Variants in COL1A2 observed in about 807,000 individuals in gnomAD.
COL1A2 encodes collagen alpha-2(I) chain.
In COL1A2, 49 loss-of-function variants were observed where a neutral mutation model predicts 174.3. The ratio of observed to expected loss-of-function variants is 0.28; its 90% CI spans 0.22 to 0.36. The LOEUF is 0.36. Ranked by LOEUF, COL1A2 falls within the 10% of genes least tolerant of loss-of-function variation. The probability of loss-of-function intolerance (pLI) is 1.00; values close to 1 mark genes in which losing one functional copy is unlikely to be tolerated. For synonymous variants in COL1A2, 655 were observed against 606.6 expected (o/e 1.08, Z -1.17); for missense variants, 1,438 against 1,822.7 (o/e 0.79, Z 3.84).
chr7:94,429,555 AT>A (rs1342042138), intron 51 of COL1A2, 125 bp downstream of exon 51: 7 of 928,660 alleles, frequency 7.5e-6, no homozygotes, highest in Non-Finnish European at 1.2e-5. Flanking sequence ...GAACTAACTT[AT>A]TTCATAAGTA....
chr7:94,413,577 A>G, intron 26 of COL1A2, 113 bp from the exon 27 acceptor site: 1 of 1,054,178 alleles, frequency 9.5e-7, no homozygotes, highest in Non-Finnish European at 1.5e-6. Flanking sequence ...CAATGAGTTT[A>G]ATTCATGCTA....
intron 41 of COL1A2, 111 bp from the exon 42 acceptor site, chr7:94,425,006 A>G (rs1792244309): frequency 2.2e-6 from 2 of 905,362 alleles, no homozygotes. Flanking sequence ...TTCACATTCA[A>G]TTTACCTTCT....
In COL1A2 at chr7:94,428,315, C is replaced by A; in HGVS notation, c.3549C>A (p.Asn1183Lys). ...AAGGTTACTACTGGATTGACCCTAA[C>A]CAAGGATGCACTATGGATGCTATCA... ...WSSGYYWIDP[N>K]QGCTMDAIKV... Residue 1183 changes from asparagine to lysine, a missense_variant, in exon 50 of 52, where the codon AAC becomes AAA. By Grantham distance (94) the Asn-to-Lys change is moderately conservative. Coordinates refer to ENST00000297268, the MANE Select transcript of COL1A2 (RefSeq NM_000089.4). 1 of 1,614,036 alleles carries A rather than the reference C, an allele frequency of 6.2e-7. No individual in the cohort carries two copies. Among genetic ancestry groups the A allele is most frequent in the Non-Finnish European group, 8.5e-7 (1 of 1,179,934 alleles).
At chr7:94,395,581 CGGA>C (rs1037266196) in intron 1 of COL1A2, 6 of 266,016 alleles carry the variant, frequency 2.3e-5, no homozygotes, top group Non-Finnish European at 4.4e-5. Flanking sequence ...AAGGCTTGTC[CGGA>C]GGAGGAGGAT....
chr7:94,409,874 C>T, intron 19 of COL1A2, 53 bp downstream of exon 19: 5 of 1,504,872 alleles, frequency 3.3e-6, no homozygotes, highest in Non-Finnish European at 4.6e-6. Flanking sequence ...CCTCTGCCAT[C>T]ATTTCATCAC....
At chr7:94,398,310 CA>C in intron 2 of COL1A2, 71 bp from the exon 3 acceptor site, 1 of 513,782 alleles carries the variant, frequency 1.9e-6, no homozygotes, top group Non-Finnish European at 3.2e-6. Context: ...TATACTACAC[CA>C]AAATGGAAGC....
intron 23 of COL1A2, among the ~76,000 whole-genome samples, chr7:94,411,421 C>T (rs1445522354): frequency 6.6e-6 from 1 of 152,052 alleles, no homozygotes; most frequent in Non-Finnish European, 1.5e-5. Context: ...TTAGATTGGT[C>T]CTCCTATCAG....
chr7:94,426,606 C>T (rs1792283221), intron 46 of COL1A2, 76 bp downstream of exon 46: 2 of 1,116,670 alleles, frequency 1.8e-6, no homozygotes. Context: ...CATATTTTCA[C>T]TGCTATTGTT....
At chr7:94,426,949 A>C in intron 46 of COL1A2, 59 bp from the exon 47 acceptor site, 1 of 1,543,562 alleles carries the variant, frequency 6.5e-7, no homozygotes. Flanking sequence ...GAAAAAAAAA[A>C]AAAATATGTC....
Position 94,430,459 on chromosome 7 carries a change from CT to C in COL1A2, c.*68del. 1 of 1,540,080 alleles carries C rather than the reference CT, an allele frequency of 6.5e-7. No homozygotes were observed. Among genetic ancestry groups the C allele is most frequent in the Admixed American group, 1.7e-5 (1 of 58,962 alleles). ...AACTTTCTCTTTGCCATTTCTTCTT[CT>C]TCTTTTTTAACTGAAAGCTGAATCC... is the stretch of plus-strand genomic sequence containing the variant. On this transcript the variant is annotated 3_prime_UTR_variant, in exon 52 of 52. Transcript: ENST00000297268.
chr7:94,429,179 T>C lies in COL1A2; in HGVS notation c.3712-9T>C, dbSNP rs1345378860. ...CCACTTAACTGGAATTTCATCCTAT[T>C]TTCTGTAGTTTGAATATAATGTAGA... On this transcript the variant is annotated splice_polypyrimidine_tract_variant and intron_variant, in intron 50 of 51. Transcript: ENST00000297268. 3 of 1,610,972 alleles carry C rather than the reference T, an allele frequency of 1.9e-6. No homozygotes were observed. The highest frequency in any genetic ancestry group is 4.5e-5 in the East Asian group (2 of 44,844).
chr7:94,428,544 T>C, intron 50 of COL1A2, 67 bp downstream of exon 50: 1 of 1,436,750 alleles, frequency 7.0e-7, no homozygotes, highest in Non-Finnish European at 9.6e-7. Flanking sequence ...TTGTTAATTA[T>C]CTGCATTTTA....
chr7:94,395,183 T>C (rs1420423522), intron 1 of COL1A2, 82 bp downstream of exon 1: 1 of 1,131,832 alleles, frequency 8.8e-7, no homozygotes. Context: ...GGAAAACCTG[T>C]AACCTGAATT....
intron 51 of COL1A2, 165 bp from the exon 52 acceptor site, chr7:94,430,082 A>C (rs1792367426): frequency 1.4e-6 from 1 of 707,178 alleles, no homozygotes; most frequent in Non-Finnish European, 2.4e-6. Flanking sequence ...CTCCCACTAA[A>C]GACACCCTTG....
Position 94,400,286 on chromosome 7 carries a change from G to A in COL1A2, c.223G>A (p.Gly75Arg). ...TCCTCCTGGCCCCCCTGGTCTCGGT[G>A]GGGTAAGGTGTCTTACGTATTGCTA... Reference protein sequence around the residue: ...PGPPGPPGLGGNFAAQYDGKG... With the variant: ...PGPPGPPGLGRNFAAQYDGKG... The change falls in exon 5 of 52, where the codon GGG becomes AGG. Residue 75 changes from glycine (G) to arginine (R), a missense_variant and splice_region_variant. Gly to Arg is a moderately radical substitution (Grantham distance 125). Transcript: ENST00000297268. 1.9e-6 allele frequency: 3 copies of A among 1,613,386 alleles called. No individual in the cohort carries two copies. Among genetic ancestry groups the A allele is most frequent in the Non-Finnish European group, 2.5e-6 (3 of 1,179,762 alleles).
chr7:94,398,686 A>T (rs1367206062), intron 3 of COL1A2, among the ~76,000 whole-genome samples: 1 of 152,062 alleles, frequency 6.6e-6, no homozygotes, highest in Admixed American at 6.5e-5. Flanking sequence ...TATTATGTTA[A>T]TTATAGGGAG....
chr7:94,400,340 G>A, intron 5 of COL1A2, 52 bp downstream of exon 5: 1 of 1,449,318 alleles, frequency 6.9e-7, no homozygotes, highest in Non-Finnish European at 9.7e-7. Flanking sequence ...TTGAAAGAAG[G>A]TTTATTGTGG....
chr7:94,417,755 C>T lies in COL1A2; in HGVS notation c.1895C>T (p.Thr632Ile). ...CCTGGTGTGGTTGGTGCTGTGGGCA[C>T]TGCTGGTCCATCTGGTCCTAGTGGA... is the stretch of plus-strand genomic sequence containing the variant. Reference protein sequence around the residue: ...GEPGVVGAVGTAGPSGPSGLP... With the variant: ...GEPGVVGAVGIAGPSGPSGLP... Residue 632 changes from threonine to isoleucine, a missense_variant, in exon 32 of 52, where the codon ACT becomes ATT. Around this residue, in one of 3 missense-constraint regions of COL1A2, gnomAD observed 867 missense variants for 1,213.7 expected, o/e 0.71. Coordinates refer to ENST00000297268, the MANE Select transcript of COL1A2 (RefSeq NM_000089.4). 1 of 1,601,570 alleles carries T rather than the reference C, an allele frequency of 6.2e-7. No homozygotes were observed. The highest frequency in any genetic ancestry group is 1.1e-5 in the South Asian group (1 of 88,100).
In COL1A2 at chr7:94,410,960, T is replaced by G. The variant is rs1562901585; in HGVS notation, c.1251+18T>G. On this transcript the variant is annotated intron_variant, in intron 22 of 51. Coordinates refer to ENST00000297268, the MANE Select transcript of COL1A2 (RefSeq NM_000089.4). ...GCGTCATGGTAAGCTGTCTATCACTTACTTCCTAGAAAGGGGCTTGCTGCT... is the reference window on the plus strand; with the variant it reads ...GCGTCATGGTAAGCTGTCTATCACTGACTTCCTAGAAAGGGGCTTGCTGCT... The G allele has an allele frequency of 6.2e-7, 1 of 1,613,860 alleles. No homozygotes were observed. The highest frequency in any genetic ancestry group is 1.7e-5 in the Admixed American group (1 of 60,014).
Sources: gnomAD v4.1 joint callset for allele counts (sites outside exome capture counted in the v4.1 genomes callset) on GRCh38, gnomAD v4.1.1 for gene constraint, gnomAD v4.1.1 regional missense constraint, MANE v1.5 for transcripts, NCBI Gene and HGNC (gene_info 2026-07-23, HGNC 2026-07-21) for gene names.